BMPR1A: variants seen among roughly 807,000 people sequenced by gnomAD.
BMPR1A encodes the protein bone morphogenetic protein receptor type-1A.
A neutral mutation model predicts 66.0 loss-of-function variants in BMPR1A; 7 were observed. The ratio of observed to expected loss-of-function variants is 0.11; its 90% CI spans 0.06 to 0.20. BMPR1A has a LOEUF of 0.20. Ranked by LOEUF, BMPR1A falls within the 10% of genes least tolerant of loss-of-function variation. The pLI, the probability that BMPR1A is intolerant of heterozygous loss-of-function variation, is 1.00. For missense variants in BMPR1A, 408 were observed against 669.1 expected, an observed-to-expected ratio of 0.61 and a Z score of 4.31; for synonymous variants, 200 against 229.7, an observed-to-expected ratio of 0.87 and a Z score of 1.17.
rs570135638 is a variant in BMPR1A, at chr10:86,781,654, T to G, written c.-268+24735T>G. On this transcript the variant is annotated intron_variant, in intron 1 of 12. Transcript: ENST00000372037. ...ATCTTGCCTGACTGAAACTCTGTAC[T>G]TTAGAGCAACTCCCTATTTCCCTCT... Among the ~76,000 whole-genome samples, 118 of 152,224 alleles carry G rather than the reference T, an allele frequency of 7.8e-4. 1 individual carries two copies. The highest frequency in any genetic ancestry group is 1.5e-3 in the Non-Finnish European group (105 of 67,998).
chr10:86,892,650 A>G (rs898123249), intron 5 of BMPR1A, among the ~76,000 whole-genome samples: 6 of 152,064 alleles, frequency 3.9e-5, no homozygotes, highest in African/African-American at 1.4e-4. Context: ...GCTGGTCTCA[A>G]ACTCCTGGGC....
chr10:86,932,413 ACT>A (rs1483248675), downstream of BMPR1A: 1 of 152,046 alleles, frequency 6.6e-6, no homozygotes, highest in Non-Finnish European at 1.5e-5. Flanking sequence ...ATAGGGTCTC[ACT>A]CTGTCACCCA....
At chr10:86,759,045 T>G (rs2132569673) in intron 1 of BMPR1A, among the ~76,000 whole-genome samples, 1 of 152,344 alleles carries the variant, frequency 6.6e-6, no homozygotes, top group South Asian at 2.1e-4. Flanking sequence ...TGATTTTAAT[T>G]AAGGTGCAGA....
chr10:86,775,129 T>G (rs1463599451), intron 1 of BMPR1A, among the ~76,000 whole-genome samples: 2 of 152,216 alleles, frequency 1.3e-5, no homozygotes, highest in Non-Finnish European at 2.9e-5. Context: ...TGCTCTTTGC[T>G]AAGCATGTAA....
intron 1 of BMPR1A, among the ~76,000 whole-genome samples, chr10:86,776,488 A>G (rs539080505): frequency 1.6e-4 from 25 of 152,324 alleles, no homozygotes; most frequent in African/African-American, 5.1e-4. Context: ...GCTTCTGAAT[A>G]AGAACTTCTG....
chr10:86,912,034 T>C (rs1843497394), intron 7 of BMPR1A, among the ~76,000 whole-genome samples: 1 of 152,138 alleles, frequency 6.6e-6, no homozygotes. Context: ...CAATACACTA[T>C]AGACATCTTT....
intron 3 of BMPR1A, among the ~76,000 whole-genome samples, chr10:86,887,669 A>T (rs973037861): frequency 6.6e-6 from 1 of 152,188 alleles, no homozygotes; most frequent in African/African-American, 2.4e-5. Context: ...CTGCCACACT[A>T]AACTGCTTTT....
At chr10:86,797,911 T>C (rs1841747473) in intron 1 of BMPR1A, among the ~76,000 whole-genome samples, 1 of 152,174 alleles carries the variant, frequency 6.6e-6, no homozygotes, top group Non-Finnish European at 1.5e-5. Context: ...TAAGTGAATA[T>C]ATTTATATAT....
intron 2 of BMPR1A, among the ~76,000 whole-genome samples, chr10:86,839,356 G>A (rs12769849): frequency 0.07 from 10,587 of 152,166 alleles, 756 homozygotes; most frequent in African/African-American, 0.18. Context: ...ACTTTGGGAG[G>A]CTGAGGCAGG....
chr10:86,879,528 G>A (rs1021654645), intron 3 of BMPR1A, among the ~76,000 whole-genome samples: 1 of 152,198 alleles, frequency 6.6e-6, no homozygotes, highest in African/African-American at 2.4e-5. Flanking sequence ...TTGCCAGCAA[G>A]GGAAGGAGGA....
intron 7 of BMPR1A, among the ~76,000 whole-genome samples, chr10:86,911,750 A>G (rs929943365): frequency 1.3e-5 from 2 of 152,140 alleles, no homozygotes; most frequent in Non-Finnish European, 2.9e-5. Context: ...ATTCTATCTC[A>G]AAAAATAAGT....
chr10:86,878,418 C>A (rs549967207), intron 3 of BMPR1A, among the ~76,000 whole-genome samples: 9 of 152,310 alleles, frequency 5.9e-5, no homozygotes, highest in Non-Finnish European at 1.0e-4. Context: ...ACAAATTTTA[C>A]AACAGGATAT....
At chr10:86,905,266 TCTGTACCATACGC>T (rs1286012226) in intron 7 of BMPR1A, among the ~76,000 whole-genome samples, 1 of 152,222 alleles carries the variant, frequency 6.6e-6, no homozygotes, top group Non-Finnish European at 1.5e-5. Flanking sequence ...GAGGCATCAT[TCTGTACCATACGC>T]CAGTTCCTGG....
At chr10:86,810,167 G>A (rs1841949657) in intron 1 of BMPR1A, among the ~76,000 whole-genome samples, 2 of 151,966 alleles carry the variant, frequency 1.3e-5, no homozygotes, top group Non-Finnish European at 1.5e-5. Flanking sequence ...TTTTAGTAGA[G>A]ACAGGGTTTC....
At chr10:86,793,102 C>A (rs1248732930) in intron 1 of BMPR1A, among the ~76,000 whole-genome samples, 1 of 132,836 alleles carries the variant, frequency 7.5e-6, no homozygotes, top group Non-Finnish European at 1.6e-5. Flanking sequence ...ATACCCCCCC[C>A]CACCCCCCGC....
intron 3 of BMPR1A, among the ~76,000 whole-genome samples, chr10:86,878,480 C>G (rs532201873): frequency 1.3e-5 from 2 of 152,274 alleles, no homozygotes; most frequent in East Asian, 3.9e-4. Flanking sequence ...TCACAAATTT[C>G]AGAAATGGAT....
At chr10:86,799,189 T>G (rs1198708653) in intron 1 of BMPR1A, among the ~76,000 whole-genome samples, 1 of 152,232 alleles carries the variant, frequency 6.6e-6, no homozygotes, top group Non-Finnish European at 1.5e-5. Flanking sequence ...TGGTTGTAAT[T>G]ATCATTGATT....
At chr10:86,875,768 G>T (rs1589756899) in intron 2 of BMPR1A, 99 bp from the exon 3 acceptor site, 3 of 538,642 alleles carry the variant, frequency 5.6e-6, no homozygotes, top group Admixed American at 3.2e-5. Flanking sequence ...GTATTTCATT[G>T]TTTAAAGGTG....
chr10:86,812,783 T>G (rs1385143956), intron 1 of BMPR1A, among the ~76,000 whole-genome samples: 1 of 152,194 alleles, frequency 6.6e-6, no homozygotes, highest in African/African-American at 2.4e-5. Context: ...TGTTTCCAAT[T>G]GATGAACCTA....
Sources: allele counts gnomAD v4.1 joint callset (sites outside exome capture counted in the v4.1 genomes callset), GRCh38; gene constraint gnomAD v4.1.1; transcripts MANE v1.5; gene names NCBI Gene and HGNC (gene_info 2026-07-23, HGNC 2026-07-21).